Variants in NBEA observed in about 807,000 individuals in gnomAD.
NBEA encodes lysosomal-trafficking regulator 2.
Under a neutral mutation model 343.4 loss-of-function variants are expected in NBEA, and 44 were observed. The ratio of observed to expected loss-of-function variants is 0.13; its 90% CI spans 0.10 to 0.16. NBEA has a LOEUF of 0.16. Ranked by LOEUF, NBEA falls within the 10% of genes least tolerant of loss-of-function variation. NBEA has a pLI of 1.00. For missense variants in NBEA, 2,555 were observed against 3,631.3 expected (o/e 0.70, Z 7.62); for synonymous variants, 1,175 against 1,238.7 (o/e 0.95, Z 1.08).
rs142496652 is a variant in NBEA at position 35,221,298 on chromosome 13, T to A, written c.5648+10119T>A. Among the ~76,000 whole-genome samples the A allele has an allele frequency of 7.8e-3, 1,187 of 151,632 alleles. 5 individuals carry two copies. Among genetic ancestry groups the A allele is most frequent in the Non-Finnish European group, 0.011 (781 of 67,924 alleles). ...GGCCAAGGTTGCAGTGAGCTGAGAT[T>A]GTGCCATTGCACTCCAGCCTGGCGA... On this transcript the variant is annotated intron_variant, in intron 33 of 58. Transcript: ENST00000379939.
chr13:35,558,197 C>T (rs2079671886), intron 44 of NBEA, among the ~76,000 whole-genome samples: 1 of 152,076 alleles, frequency 6.6e-6, no homozygotes, highest in Admixed American at 6.5e-5. Context: ...TGGTTTCTGC[C>T]TTTGAAAAGA....
chr13:35,428,675 A>G (rs922718218), intron 38 of NBEA, among the ~76,000 whole-genome samples: 18 of 152,078 alleles, frequency 1.2e-4, no homozygotes, highest in African/African-American at 4.3e-4. Flanking sequence ...TATATTTTCA[A>G]TCATGGCTCT....
intron 1 of NBEA, among the ~76,000 whole-genome samples, chr13:35,038,160 A>G (rs1392268132): frequency 2.0e-5 from 3 of 152,096 alleles, no homozygotes; most frequent in Non-Finnish European, 4.4e-5. Context: ...ACTCCTGGCC[A>G]TGAGGAGTAC....
intron 41 of NBEA, among the ~76,000 whole-genome samples, chr13:35,523,019 G>A (rs943551366): frequency 1.2e-4 from 18 of 152,282 alleles, no homozygotes; most frequent in African/African-American, 4.1e-4. Context: ...CCAGTTGGAC[G>A]TAGAAAGGAA....
intron 56 of NBEA, 53 bp downstream of exon 56, chr13:35,665,239 C>A (rs1368089487): frequency 2.2e-6 from 3 of 1,383,594 alleles, no homozygotes; most frequent in African/African-American, 2.9e-5. Flanking sequence ...TGTTTTCTCA[C>A]ACTAAGCGTG....
intron 41 of NBEA, among the ~76,000 whole-genome samples, chr13:35,483,377 C>T (rs2076190881): frequency 6.6e-6 from 1 of 151,868 alleles, no homozygotes; most frequent in African/African-American, 2.4e-5. Flanking sequence ...AATATTTTTA[C>T]TTTACATTTT....
At chr13:35,160,541 C>T (rs1356982156) in intron 22 of NBEA, among the ~76,000 whole-genome samples, 8 of 152,238 alleles carry the variant, frequency 5.3e-5, no homozygotes, top group East Asian at 3.9e-4. Flanking sequence ...TACTATGTTC[C>T]GGGCACTGTG....
intron 25 of NBEA, among the ~76,000 whole-genome samples, chr13:35,169,513 T>C (rs1593591954): frequency 6.6e-6 from 1 of 151,698 alleles, no homozygotes; most frequent in East Asian, 1.9e-4. Flanking sequence ...TAATTCTATT[T>C]ATAATTCACT....
chr13:35,529,377 A>G (rs1214941211), intron 41 of NBEA, among the ~76,000 whole-genome samples: 2 of 152,220 alleles, frequency 1.3e-5, no homozygotes, highest in African/African-American at 4.8e-5. Flanking sequence ...ATAGCACTTT[A>G]AGTACACTAT....
intron 1 of NBEA, among the ~76,000 whole-genome samples, chr13:34,982,046 TC>T (rs2060375020): frequency 6.6e-6 from 1 of 151,984 alleles, no homozygotes; most frequent in Non-Finnish European, 1.5e-5. Context: ...CTATGTTAAT[TC>T]TATTATTTGT....
At chr13:35,117,164 T>TATA (rs1201705801) in intron 13 of NBEA, among the ~76,000 whole-genome samples, 1 of 151,912 alleles carries the variant, frequency 6.6e-6, no homozygotes, top group East Asian at 1.9e-4. Flanking sequence ...GATATTAATA[T>TATA]ATAACAACTT....
At chr13:35,378,791 G>A (rs886300842) in intron 38 of NBEA, among the ~76,000 whole-genome samples, 1 of 151,322 alleles carries the variant, frequency 6.6e-6, no homozygotes, top group African/African-American at 2.4e-5. Context: ...CCCTATATGA[G>A]CCCTTCTTGT....
chr13:35,614,872 C>T (rs758602995), intron 48 of NBEA, among the ~76,000 whole-genome samples: 1 of 152,076 alleles, frequency 6.6e-6, no homozygotes, highest in African/African-American at 2.4e-5. Context: ...AGCCACCTTA[C>T]CCCATACCCT....
At chr13:35,096,760 T>C (rs778111978) in intron 10 of NBEA, among the ~76,000 whole-genome samples, 4 of 151,948 alleles carry the variant, frequency 2.6e-5, no homozygotes, top group Non-Finnish European at 5.9e-5. Context: ...TTAGGTGTAA[T>C]ATAGTACTTA....
At chr13:35,513,677 A>T (rs927162743) in intron 41 of NBEA, among the ~76,000 whole-genome samples, 1 of 152,088 alleles carries the variant, frequency 6.6e-6, no homozygotes, top group Admixed American at 6.5e-5. Flanking sequence ...TATAGATGTA[A>T]AGTATATAAA....
At chr13:35,215,571 G>GA (rs530981287) in intron 33 of NBEA, among the ~76,000 whole-genome samples, 181 of 151,430 alleles carry the variant, frequency 1.2e-3, no homozygotes, top group African/African-American at 4.3e-3. Flanking sequence ...CAATAAAACT[G>GA]AAAAAAGGGG....
intron 26 of NBEA, among the ~76,000 whole-genome samples, chr13:35,172,789 A>C (rs138345282): frequency 2.0e-5 from 3 of 152,152 alleles, no homozygotes; most frequent in African/African-American, 7.2e-5. Flanking sequence ...TTAAGCAGCT[A>C]GCCTAAAACC....
At chr13:35,643,363 C>T (rs2084062821) in intron 49 of NBEA, among the ~76,000 whole-genome samples, 1 of 152,150 alleles carries the variant, frequency 6.6e-6, no homozygotes, top group Non-Finnish European at 1.5e-5. Flanking sequence ...GGGCTGCTAA[C>T]TTCCTGAGGT....
intron 56 of NBEA, among the ~76,000 whole-genome samples, chr13:35,665,712 C>T (rs955931965): frequency 2.0e-5 from 3 of 152,230 alleles, no homozygotes; most frequent in Admixed American, 1.3e-4. Flanking sequence ...CTGCAACTTC[C>T]GCCTCCTGGG....
Sources: gnomAD v4.1 joint callset for allele counts (sites outside exome capture counted in the v4.1 genomes callset) on GRCh38, gnomAD v4.1.1 for gene constraint, MANE v1.5 for transcripts, NCBI Gene and HGNC (gene_info 2026-07-23, HGNC 2026-07-21) for gene names.